Variants in ADCY2 observed in about 807,000 individuals in gnomAD.
ADCY2 encodes the protein adenylate cyclase type 2.
ADCY2 carries 31 observed loss-of-function variants against 125.2 expected under a neutral mutation model. The observed-to-expected ratio is 0.25, with a 90% CI of 0.19 to 0.33. ADCY2 has a LOEUF of 0.33. Among genes scored for constraint, ADCY2 ranks in the 10% least tolerant of loss-of-function variants. ADCY2 has a pLI of 1.00. For missense variants in ADCY2, 904 were observed against 1,418.2 expected (o/e 0.64, Z 5.82); for synonymous variants, 512 against 548.4 (o/e 0.93, Z 0.93).
At chr5:7,427,942 C>T (rs751877339) in intron 2 of ADCY2, among the ~76,000 whole-genome samples, 80 of 152,140 alleles carry the variant, frequency 5.3e-4, no homozygotes, top group Non-Finnish European at 9.6e-4. Flanking sequence ...GTGCTAAATG[C>T]AATTGTGGAG....
intron 4 of ADCY2, among the ~76,000 whole-genome samples, chr5:7,688,013 A>C (rs903006927): frequency 6.6e-6 from 1 of 151,360 alleles, no homozygotes; most frequent in African/African-American, 2.4e-5. Context: ...AGCCAATCTT[A>C]AGACATCTCT....
intron 3 of ADCY2, among the ~76,000 whole-genome samples, chr5:7,611,748 T>G (rs1737576271): frequency 6.6e-6 from 1 of 152,184 alleles, no homozygotes; most frequent in African/African-American, 2.4e-5. Context: ...TGAAAAAGTG[T>G]GTGTGAAGCC....
At chr5:7,633,951 C>G (rs954935014) in intron 4 of ADCY2, among the ~76,000 whole-genome samples, 3 of 152,028 alleles carry the variant, frequency 2.0e-5, no homozygotes, top group Non-Finnish European at 4.4e-5. Flanking sequence ...CATTTGATAC[C>G]AGTAAAATAA....
At position 7,651,237 on chromosome 5, in the gene ADCY2, C is replaced by T. The variant is rs146605136; in HGVS notation, c.720+24921C>T. Among the ~76,000 whole-genome samples the T allele has an allele frequency of 1.2e-4, 19 of 152,230 alleles. No homozygotes were observed. The East Asian group carries it at 3.5e-3, about 28-fold the overall frequency. On this transcript the variant is annotated intron_variant, in intron 4 of 24. Transcript: ENST00000338316. ...CAATTCTTCTAGTAAATTTTGATTT[C>T]ATGTCTGTATTAGTCAGGGTTCTCT... is the stretch of plus-strand genomic sequence containing the variant.
chr5:7,680,791 G>A (rs1246693979), intron 4 of ADCY2, among the ~76,000 whole-genome samples: 1 of 152,184 alleles, frequency 6.6e-6, no homozygotes, highest in Admixed American at 6.5e-5. Context: ...TTTTTGTCAG[G>A]TAGTGGGACA....
At chr5:7,625,700 T>A (rs1031732037) in intron 3 of ADCY2, among the ~76,000 whole-genome samples, 3 of 152,150 alleles carry the variant, frequency 2.0e-5, no homozygotes, top group Non-Finnish European at 4.4e-5. Context: ...AACCATGAAA[T>A]CTCAGAGGTA....
intron 3 of ADCY2, among the ~76,000 whole-genome samples, chr5:7,530,090 A>T (rs539573034): frequency 2.6e-5 from 4 of 152,188 alleles, no homozygotes; most frequent in African/African-American, 4.8e-5. Flanking sequence ...CAGTTTTCCA[A>T]TCTGTAAAAT....
intron 22 of ADCY2, among the ~76,000 whole-genome samples, chr5:7,816,602 T>TTACA (rs1176976279): frequency 2.3e-4 from 35 of 152,356 alleles, no homozygotes; most frequent in African/African-American, 7.2e-4. Context: ...AGGTTCCCCG[T>TTACA]GGTCAGCCTT....
At chr5:7,533,218 A>G (rs1032068535) in intron 3 of ADCY2, among the ~76,000 whole-genome samples, 5 of 151,684 alleles carry the variant, frequency 3.3e-5, no homozygotes, top group Admixed American at 3.3e-4. Context: ...TGTTTTTGTC[A>G]AAGATATTTT....
chr5:7,593,714 G>T (rs1736918204), intron 3 of ADCY2, among the ~76,000 whole-genome samples: 1 of 152,070 alleles, frequency 6.6e-6, no homozygotes, highest in Non-Finnish European at 1.5e-5. Context: ...CCTTTTTCAA[G>T]ATGTTGGGGA....
At chr5:7,405,138 T>C (rs910905528) in intron 1 of ADCY2, among the ~76,000 whole-genome samples, 2 of 152,122 alleles carry the variant, frequency 1.3e-5, no homozygotes, top group African/African-American at 2.4e-5. Flanking sequence ...ATGAAAGGAA[T>C]GTCAAGCATA....
chr5:7,805,794 A>G (rs1744742415), intron 22 of ADCY2, among the ~76,000 whole-genome samples: 1 of 152,214 alleles, frequency 6.6e-6, no homozygotes, highest in East Asian at 1.9e-4. Flanking sequence ...CCCGCTTAAC[A>G]TTCATGCATT....
At chr5:7,566,016 G>A (rs1278575432) in intron 3 of ADCY2, among the ~76,000 whole-genome samples, 2 of 152,146 alleles carry the variant, frequency 1.3e-5, no homozygotes, top group Non-Finnish European at 2.9e-5. Context: ...TCATAATAAT[G>A]AGCAAAATGT....
chr5:7,703,524 C>T (rs1413138300), intron 7 of ADCY2, among the ~76,000 whole-genome samples: 1 of 152,072 alleles, frequency 6.6e-6, no homozygotes, highest in South Asian at 2.1e-4. Context: ...TGTCAAAGAT[C>T]AGATGGTTGT....
chr5:7,699,433 T>G (rs1427030846), intron 7 of ADCY2, among the ~76,000 whole-genome samples: 1 of 151,974 alleles, frequency 6.6e-6, no homozygotes, highest in Admixed American at 6.6e-5. Flanking sequence ...CAATTTGGGG[T>G]TGTAAATCTC....
chr5:7,504,731 A>G (rs1158332529), intron 2 of ADCY2, among the ~76,000 whole-genome samples: 2 of 144,382 alleles, frequency 1.4e-5, no homozygotes, highest in African/African-American at 2.6e-5. Context: ...CTGGGCTTGA[A>G]CTCCTGGGCT....
intron 2 of ADCY2, among the ~76,000 whole-genome samples, chr5:7,425,275 T>C (rs1168008595): frequency 6.6e-6 from 1 of 152,244 alleles, no homozygotes. Flanking sequence ...AACATCTGTT[T>C]TTGACTTAGT....
chr5:7,410,406 T>G (rs185721439), intron 1 of ADCY2, among the ~76,000 whole-genome samples: 1 of 151,960 alleles, frequency 6.6e-6, no homozygotes, highest in East Asian at 1.9e-4. Context: ...GAAAAACATC[T>G]AAGAAACAAA....
intron 3 of ADCY2, among the ~76,000 whole-genome samples, chr5:7,600,827 T>G (rs1047963994): frequency 6.6e-6 from 1 of 152,018 alleles, no homozygotes; most frequent in African/African-American, 2.4e-5. Flanking sequence ...TCTGGGGAGC[T>G]AGGTCACTGT....
Sources: allele counts gnomAD v4.1 joint callset (sites outside exome capture counted in the v4.1 genomes callset), GRCh38; gene constraint gnomAD v4.1.1; transcripts MANE v1.5; gene names NCBI Gene and HGNC (gene_info 2026-07-23, HGNC 2026-07-21).